The following ZNF454 variants were observed in gnomAD, a reference collection of about 807,000 sequenced individuals.
ZNF454 encodes the protein zinc finger protein 454.
ZNF454 carries 30 observed loss-of-function variants against 48.2 expected under a neutral mutation model. The ratio of observed to expected loss-of-function variants is 0.62; its 90% CI spans 0.47 to 0.84. The LOEUF is 0.84. ZNF454 is among the 40% of genes least tolerant of loss of function. The pLI is 0.00. For missense variants in ZNF454, 510 were observed against 623.1 expected, an observed-to-expected ratio of 0.82 and a Z score of 1.93; for synonymous variants, 204 against 211.4, an observed-to-expected ratio of 0.97 and a Z score of 0.30.
chr5:178,986,079 T>C, the ZNF454 span: 1 of 1,557,184 alleles, frequency 6.4e-7, no homozygotes, highest in Non-Finnish European at 8.7e-7. Context: ...CTTTGTAACG[T>C]TGCGGACAGT....
At chr5:178,975,621 C>A in the ZNF454 span, 1 of 357,612 alleles carries the variant, frequency 2.8e-6, no homozygotes, top group Non-Finnish European at 5.9e-6. Flanking sequence ...CTCCTCTTCT[C>A]ACCCCGAGTA....
Position 178,964,977 on chromosome 5 carries a change from A to G in ZNF454, c.573A>G (p.Ser191=), listed in dbSNP as rs1199883452. 2 of 1,614,086 alleles carry G rather than the reference A, an allele frequency of 1.2e-6. No individual in the cohort carries two copies. Among genetic ancestry groups the G allele is most frequent in the Admixed American group, 3.3e-5 (2 of 60,006 alleles). ...GTGGAAAAGTCTTCTCTAAGAGTTC[A>G]ACTCTTAATAAACATCAGAAAATTC... is the stretch of plus-strand genomic sequence containing the variant. ...SECGKVFSKS[S]TLNKHQKIHN... Residue 191 remains serine, a synonymous_variant, in exon 5 of 5, where the codon TCA becomes TCG. Transcript: ENST00000519564.
chr5:178,985,481 A>G, the ZNF454 span: 141 of 342,564 alleles, frequency 4.1e-4, 2 homozygotes, highest in South Asian at 3.0e-3. Flanking sequence ...AGGTGGGCGG[A>G]TCACGAGGTC....
In ZNF454 at chr5:178,965,382, A is replaced by G; in HGVS notation, c.978A>G (p.Lys326=). The G allele has an allele frequency of 2.5e-6, 4 of 1,614,186 alleles. No individual in the cohort carries two copies. The highest frequency in any genetic ancestry group is 1.6e-4 in the Middle Eastern group (1 of 6,062). ...ACCAGAATATCCACAGTGGAGAGAA[A>G]CCCTATAAATGCAATGAATGTGGAA... ...TKHQNIHSGE[K]PYKCNECGKA... The change falls in exon 5 of 5, where the codon AAA becomes AAG. Residue 326 remains lysine (K), a synonymous_variant. Coordinates refer to ENST00000519564, the MANE Select transcript of ZNF454 (RefSeq NM_001178089.3). This position sits in a 1 kb window ranked among gnomAD's most constrained non-coding sequence, Gnocchi z 5.2.
chr5:178,983,143 G>T, the ZNF454 span: 77 of 1,613,872 alleles, frequency 4.8e-5, no homozygotes, highest in Non-Finnish European at 6.4e-5. Flanking sequence ...GCCTGCTCGG[G>T]GTCCACCGTC....
intron 4 of ZNF454, among the ~76,000 whole-genome samples, chr5:178,962,699 T>C (rs755150245): frequency 1.1e-4 from 16 of 151,814 alleles, no homozygotes; most frequent in Non-Finnish European, 2.4e-4. Context: ...CTTTTTCTAT[T>C]GTCTGTTTTT....
At chr5:178,953,743 T>C (rs1759642128) in intron 4 of ZNF454, among the ~76,000 whole-genome samples, 1 of 152,218 alleles carries the variant, frequency 6.6e-6, no homozygotes, top group African/African-American at 2.4e-5. Context: ...AATTTGACAT[T>C]ACTCCATTGT....
the ZNF454 span, among the ~76,000 whole-genome samples, chr5:178,987,902 GGCACCC>G: frequency 2.9e-5 from 4 of 138,376 alleles, no homozygotes; most frequent in East Asian, 4.4e-4. Context: ...TGGGATTATA[GGCACCC>G]GTCGCCATGC....
At position 178,964,719 on chromosome 5, in the gene ZNF454, G is replaced by A. The variant is rs1293185177; in HGVS notation, c.315G>A (p.Leu105=). 2 of 1,614,194 alleles carry A rather than the reference G, an allele frequency of 1.2e-6. No homozygotes were observed. The highest frequency in any genetic ancestry group is 1.7e-6 in the Non-Finnish European group (2 of 1,180,046). The change falls in exon 5 of 5, where the codon TTG becomes TTA. Residue 105 remains leucine (L), a synonymous_variant. Transcript: ENST00000519564. ...TVKAEIPEEE[L]DQWTIKERFS... is the part of the protein sequence containing the mutation. ...AGGCAGAGATTCCTGAAGAAGAATT[G>A]GATCAATGGACAATAAAGGAAAGAT... is the stretch of plus-strand genomic sequence containing the variant.
intron 2 of ZNF454, 137 bp downstream of exon 2, chr5:178,942,961 A>T: frequency 1.2e-6 from 1 of 842,626 alleles, no homozygotes; most frequent in Non-Finnish European, 1.8e-6. Flanking sequence ...CCCAACCAAC[A>T]CCCTCCAACC....
At chr5:178,942,976 C>G (rs1759170542) in intron 2 of ZNF454, 152 bp downstream of exon 2, 5 of 764,034 alleles carry the variant, frequency 6.5e-6, no homozygotes, top group Non-Finnish European at 6.2e-6. Context: ...CCAACCCCGC[C>G]CCATATCCGG....
At chr5:178,968,982 G>C (rs900687140), downstream of ZNF454, 4 of 404,882 alleles carry the variant, frequency 9.9e-6, no homozygotes, top group African/African-American at 2.1e-5. Context: ...TCAGGCTTGG[G>C]TTTTCATGAA....
the ZNF454 span, among the ~76,000 whole-genome samples, chr5:178,976,604 T>C: frequency 6.6e-6 from 1 of 152,112 alleles, no homozygotes; most frequent in African/African-American, 2.4e-5. Flanking sequence ...GGCCAGCAAT[T>C]TGGGCACCTC....
chr5:178,952,087 G>A (rs1365108213), intron 4 of ZNF454, among the ~76,000 whole-genome samples: 1 of 151,512 alleles, frequency 6.6e-6, no homozygotes, highest in Non-Finnish European at 1.5e-5. Flanking sequence ...GCCCAGGCGG[G>A]AGTGCTGTGG....
the ZNF454 span, chr5:178,989,211 A>AGGC: frequency 2.5e-5 from 3 of 121,736 alleles, no homozygotes; most frequent in East Asian, 2.8e-4. Flanking sequence ...CCCCCTCCCC[A>AGGC]CCCTCACCAC....
At chr5:178,982,840 A>G in the ZNF454 span, 12 of 1,074,570 alleles carry the variant, frequency 1.1e-5, no homozygotes, top group Non-Finnish European at 1.7e-5. Flanking sequence ...CAAGCATTTA[A>G]TCTCATGAAT....
At chr5:178,983,491 G>C in the ZNF454 span, 1 of 656,124 alleles carries the variant, frequency 1.5e-6, no homozygotes, top group East Asian at 3.1e-5. Context: ...GGCAACATCA[G>C]TGCAGTGTGC....
At position 178,946,319 on chromosome 5, in the gene ZNF454, G is replaced by A. The variant is rs758653580; in HGVS notation, c.34-40G>A. 2 of 1,608,402 alleles carry A rather than the reference G, an allele frequency of 1.2e-6. No homozygotes were observed. The highest frequency in any genetic ancestry group is 1.7e-6 in the Non-Finnish European group (2 of 1,178,268). Reference sequence around the variant, plus strand: ...CTCTTTTCCAGAGAACCATGTGCAGGGGTAGCCCCTGGTCAAGGAGAATGA... The same window carrying A: ...CTCTTTTCCAGAGAACCATGTGCAGAGGTAGCCCCTGGTCAAGGAGAATGA... On this transcript the variant is annotated intron_variant, in intron 2 of 4. Transcript: ENST00000519564. This position sits in a 1 kb window ranked among gnomAD's most constrained non-coding sequence, Gnocchi z 4.5.
chr5:178,971,468 T>C, the ZNF454 span, among the ~76,000 whole-genome samples: 3 of 151,574 alleles, frequency 2.0e-5, no homozygotes, highest in Non-Finnish European at 4.4e-5. Context: ...GCTTCTGGGG[T>C]GTGTGGGCCT....
Sources: allele counts gnomAD v4.1 joint callset (sites outside exome capture counted in the v4.1 genomes callset), GRCh38; gene constraint gnomAD v4.1.1; non-coding constraint Gnocchi (gnomAD v3.1); transcripts MANE v1.5; gene names NCBI Gene and HGNC (gene_info 2026-07-23, HGNC 2026-07-21).